Variants in LCLAT1 observed in about 807,000 individuals in gnomAD.
LCLAT1 encodes 1-AGP acyltransferase 8.
In LCLAT1, 11 loss-of-function variants were observed where a neutral mutation model predicts 30.7. The ratio of observed to expected loss-of-function variants is 0.36; its 90% CI spans 0.23 to 0.59. The LOEUF is 0.59. Ranked by LOEUF, LCLAT1 falls within the 20% of genes least tolerant of loss-of-function variation. LCLAT1 has a pLI of 0.77. For missense variants in LCLAT1, 402 were observed against 458.6 expected, an observed-to-expected ratio of 0.88 and a Z score of 1.13; for synonymous variants, 155 against 151.3, an observed-to-expected ratio of 1.02 and a Z score of -0.18.
chr2:30,506,218 G>C (rs753665579), intron 1 of LCLAT1, among the ~76,000 whole-genome samples: 2 of 151,886 alleles, frequency 1.3e-5, no homozygotes, highest in Non-Finnish European at 2.9e-5. Flanking sequence ...GTTCTGTTTC[G>C]GAAGAATGAA....
At chr2:30,478,237 G>A (rs544230927) in intron 1 of LCLAT1, among the ~76,000 whole-genome samples, 3 of 152,256 alleles carry the variant, frequency 2.0e-5, no homozygotes, top group Admixed American at 6.5e-5. Flanking sequence ...GTTGTTATTA[G>A]TGCTATTTTC....
chr2:30,520,489 C>G (rs1000808625), intron 1 of LCLAT1, among the ~76,000 whole-genome samples: 5 of 152,098 alleles, frequency 3.3e-5, no homozygotes, highest in African/African-American at 1.2e-4. Context: ...CACCAAGTTA[C>G]CTGGCTTAAA....
intron 5 of LCLAT1, among the ~76,000 whole-genome samples, chr2:30,578,370 TA>T (rs1666077792): frequency 6.6e-6 from 1 of 152,100 alleles, no homozygotes; most frequent in Non-Finnish European, 1.5e-5. Flanking sequence ...CAAAGTCAGG[TA>T]ATAAAGTATG....
intron 5 of LCLAT1, among the ~76,000 whole-genome samples, chr2:30,621,101 T>C (rs1330047787): frequency 1.3e-5 from 2 of 152,220 alleles, no homozygotes; most frequent in African/African-American, 4.8e-5. Context: ...GGTATCTTGA[T>C]AGGACACTAT....
intron 1 of LCLAT1, among the ~76,000 whole-genome samples, chr2:30,488,696 T>C (rs1683681977): frequency 6.6e-6 from 1 of 152,218 alleles, no homozygotes. Flanking sequence ...TGCATTGATT[T>C]AGACCCCTTT....
At chr2:30,622,294 C>T (rs1186680425) in intron 5 of LCLAT1, among the ~76,000 whole-genome samples, 1 of 152,190 alleles carries the variant, frequency 6.6e-6, no homozygotes, top group Non-Finnish European at 1.5e-5. Context: ...CTAACCCTGA[C>T]TTCACTTGAT....
At chr2:30,473,604 A>G (rs1477109938) in intron 1 of LCLAT1, among the ~76,000 whole-genome samples, 1 of 152,174 alleles carries the variant, frequency 6.6e-6, no homozygotes, top group Non-Finnish European at 1.5e-5. Context: ...ACTTCTGTGG[A>G]TGGATAGATG....
chr2:30,642,179 T>C lies in LCLAT1; in HGVS notation c.*1560T>C, dbSNP rs1669348398. 1 of 152,162 alleles carries C rather than the reference T, an allele frequency of 6.6e-6. No homozygotes were observed. The highest frequency in any genetic ancestry group is 1.5e-5 in the Non-Finnish European group (1 of 68,040). The allele number at this position is 152,162 out of a possible 1,614,324, so 9.4% of individuals were successfully genotyped here. A position where few individuals can be genotyped will look rare whatever the true frequency, so the allele number is the denominator to read the frequency against. ...TGAACTGAACTTACCAAGCAGATTC[T>C]GTGAGAAAGCACTGGTTGAGGCTGA... is the stretch of plus-strand genomic sequence containing the variant. On this transcript the variant is annotated 3_prime_UTR_variant, in exon 6 of 6. Transcript: ENST00000379509.
chr2:30,561,973 T>C (rs1481453275), intron 3 of LCLAT1, among the ~76,000 whole-genome samples, 173 bp from the exon 4 acceptor site: 3 of 152,222 alleles, frequency 2.0e-5, no homozygotes, highest in East Asian at 1.9e-4. Context: ...TATTCTCTTA[T>C]ATATATGTTA....
chr2:30,629,694 C>T (rs144192258), intron 5 of LCLAT1, among the ~76,000 whole-genome samples: 7 of 152,254 alleles, frequency 4.6e-5, no homozygotes, highest in East Asian at 1.9e-4. Context: ...GGTCAGTTTC[C>T]GACATGTAGC....
At chr2:30,580,253 C>CA (rs1173584132) in intron 5 of LCLAT1, among the ~76,000 whole-genome samples, 1 of 152,138 alleles carries the variant, frequency 6.6e-6, no homozygotes, top group African/African-American at 2.4e-5. Flanking sequence ...TTGCAAATAT[C>CA]AATTTGATCT....
At chr2:30,636,343 T>C (rs1669024040) in intron 5 of LCLAT1, among the ~76,000 whole-genome samples, 1 of 152,198 alleles carries the variant, frequency 6.6e-6, no homozygotes, top group South Asian at 2.1e-4. Context: ...TTACCCTGAC[T>C]ACTATGTTGG....
intron 3 of LCLAT1, among the ~76,000 whole-genome samples, chr2:30,538,558 C>A (rs1663928132): frequency 6.6e-6 from 1 of 151,882 alleles, no homozygotes; most frequent in Non-Finnish European, 1.5e-5. Context: ...TCGCTTGAAC[C>A]CAGGAGGTGG....
intron 5 of LCLAT1, among the ~76,000 whole-genome samples, chr2:30,616,945 C>G (rs1572702591): frequency 6.6e-6 from 1 of 152,022 alleles, no homozygotes; most frequent in Non-Finnish European, 1.5e-5. Flanking sequence ...TTTTAGAAAG[C>G]TCTGTTTAGA....
intron 5 of LCLAT1, among the ~76,000 whole-genome samples, chr2:30,572,097 G>A (rs1327925378): frequency 3.3e-5 from 5 of 152,158 alleles, no homozygotes; most frequent in Admixed American, 6.5e-5. Flanking sequence ...TCTTCATGTT[G>A]AATTTTCAAA....
chr2:30,607,656 C>T (rs1422767290), intron 5 of LCLAT1: 2 of 152,056 alleles, frequency 1.3e-5, no homozygotes, highest in Non-Finnish European at 2.9e-5. Context: ...GAGTGTATTC[C>T]TTCTGCTTAT....
chr2:30,617,024 A>G (rs775996378), intron 5 of LCLAT1, among the ~76,000 whole-genome samples: 8 of 152,280 alleles, frequency 5.3e-5, no homozygotes, highest in Admixed American at 2.6e-4. Context: ...AGACGCCTTA[A>G]AAAAACAGCT....
At chr2:30,475,512 A>G (rs913442424) in intron 1 of LCLAT1, among the ~76,000 whole-genome samples, 6 of 152,206 alleles carry the variant, frequency 3.9e-5, no homozygotes, top group Admixed American at 6.5e-5. Context: ...AATCTGGATT[A>G]CTGACCTATA....
intron 1 of LCLAT1, among the ~76,000 whole-genome samples, chr2:30,496,050 G>C (rs1240777621): frequency 2.6e-5 from 4 of 152,082 alleles, no homozygotes; most frequent in African/African-American, 9.7e-5. Context: ...AACTTATAAT[G>C]GTGGCAGAAG....
Sources: allele counts gnomAD v4.1 joint callset (sites outside exome capture counted in the v4.1 genomes callset), GRCh38; gene constraint gnomAD v4.1.1; transcripts MANE v1.5; gene names NCBI Gene and HGNC (gene_info 2026-07-23, HGNC 2026-07-21).